MAPK10: variants seen among roughly 807,000 people sequenced by gnomAD.
MAPK10 encodes the protein JNK3 alpha protein kinase.
A neutral mutation model predicts 59.3 loss-of-function variants in MAPK10; 25 were observed. The observed-to-expected ratio is 0.42, with a 90% CI of 0.31 to 0.59. MAPK10 has a LOEUF of 0.59. MAPK10 is among the 20% of genes least tolerant of loss of function. The probability of loss-of-function intolerance (pLI) is 0.15; values close to 1 mark genes in which losing one functional copy is unlikely to be tolerated. For synonymous variants in MAPK10, 190 were observed against 200.5 expected (o/e 0.95, Z 0.44); for missense variants, 351 against 568.9 (o/e 0.62, Z 3.90).
At chr4:86,394,899 CT>C (rs1052127616) in intron 1 of MAPK10, among the ~76,000 whole-genome samples, 1 of 152,174 alleles carries the variant, frequency 6.6e-6, no homozygotes. Context: ...GGGCCACCCC[CT>C]GGCAAAACTC....
intron 1 of MAPK10, chr4:86,358,261 C>CT: frequency 1.0e-6 from 1 of 985,388 alleles, no homozygotes; most frequent in Non-Finnish European, 1.2e-6. Flanking sequence ...CTTACTGCAA[C>CT]TATTTTAAAT....
chr4:86,509,318 C>T (rs578234055), intron 1 of MAPK10, among the ~76,000 whole-genome samples: 6 of 152,096 alleles, frequency 3.9e-5, no homozygotes, highest in Admixed American at 2.6e-4. Context: ...ATATTCTATA[C>T]GGACATAAAG....
chr4:86,562,875 G>A (rs1760784141), intron 1 of MAPK10, among the ~76,000 whole-genome samples: 1 of 152,088 alleles, frequency 6.6e-6, no homozygotes, highest in African/African-American at 2.4e-5. Context: ...CCCATCTAAG[G>A]TAATATTCAT....
At chr4:86,308,462 G>C (rs1044617500) in intron 2 of MAPK10, among the ~76,000 whole-genome samples, 2 of 152,140 alleles carry the variant, frequency 1.3e-5, no homozygotes, top group African/African-American at 4.8e-5. Flanking sequence ...AGATTAGACA[G>C]AGGAAAAAGA....
At chr4:86,361,680 C>T (rs1209951271), upstream of MAPK10, among the ~76,000 whole-genome samples, 1 of 152,018 alleles carries the variant, frequency 6.6e-6, no homozygotes, top group Non-Finnish European at 1.5e-5. Context: ...CACACACACA[C>T]ATGCTGGAAT....
chr4:86,186,456 G>A (rs2078255123), intron 3 of MAPK10, among the ~76,000 whole-genome samples: 1 of 152,094 alleles, frequency 6.6e-6, no homozygotes, highest in Non-Finnish European at 1.5e-5. Context: ...AGTACATACA[G>A]TAGTTACAGA....
At chr4:86,489,653 C>CT (rs914712759) in intron 1 of MAPK10, among the ~76,000 whole-genome samples, 1 of 151,930 alleles carries the variant, frequency 6.6e-6, no homozygotes, top group African/African-American at 2.4e-5. Flanking sequence ...GGGTTTGTCC[C>CT]TTTTTTTTCT....
chr4:86,072,060 T>G (rs1203228049), intron 9 of MAPK10, among the ~76,000 whole-genome samples: 2 of 147,474 alleles, frequency 1.4e-5, no homozygotes, highest in Non-Finnish European at 3.0e-5. Flanking sequence ...TATCCTCTTT[T>G]ATTTCCTTGA....
intron 4 of MAPK10, chr4:86,125,780 A>G (rs1164406470): frequency 6.6e-6 from 1 of 152,130 alleles, no homozygotes; most frequent in African/African-American, 2.4e-5. Context: ...GGAGTGAAAG[A>G]GTTTATTGAG....
At chr4:86,292,530 A>C (rs2095256125) in intron 2 of MAPK10, among the ~76,000 whole-genome samples, 1 of 152,174 alleles carries the variant, frequency 6.6e-6, no homozygotes, top group South Asian at 2.1e-4. Flanking sequence ...AAGCCTGGGC[A>C]ACATAGCAAG....
intron 9 of MAPK10, among the ~76,000 whole-genome samples, chr4:86,087,775 T>C (rs963409207): frequency 6.6e-6 from 1 of 152,122 alleles, no homozygotes; most frequent in Admixed American, 6.6e-5. Context: ...AGAGAGAATA[T>C]ATGTATGAAG....
intron 10 of MAPK10, 76 bp downstream of exon 10, chr4:86,067,697 T>C: frequency 2.5e-6 from 3 of 1,178,150 alleles, no homozygotes; most frequent in Non-Finnish European, 3.6e-6. Context: ...GAGAAAGAGA[T>C]AGAGGTCTCT....
intron 4 of MAPK10, among the ~76,000 whole-genome samples, chr4:86,108,544 T>C (rs1411054494): frequency 1.3e-5 from 2 of 152,206 alleles, no homozygotes; most frequent in East Asian, 3.8e-4. Flanking sequence ...GAAAAAAGTC[T>C]TAGAGTTCAC....
At chr4:86,516,588 G>A (rs560204781) in intron 1 of MAPK10, among the ~76,000 whole-genome samples, 1 of 152,092 alleles carries the variant, frequency 6.6e-6, no homozygotes, top group African/African-American at 2.4e-5. Flanking sequence ...TCTTCGTAAA[G>A]ATCTTTCACC....
intron 2 of MAPK10, among the ~76,000 whole-genome samples, chr4:86,217,398 A>G (rs1295293202): frequency 6.6e-6 from 1 of 152,248 alleles, no homozygotes; most frequent in African/African-American, 2.4e-5. Flanking sequence ...CTACCAATTC[A>G]GGTTTCACTA....
intron 1 of MAPK10, among the ~76,000 whole-genome samples, chr4:86,461,553 A>G (rs186479227): frequency 5.0e-4 from 76 of 152,306 alleles, no homozygotes; most frequent in African/African-American, 1.7e-3. Flanking sequence ...GCTTGGAAGC[A>G]TCAGGGTAAC....
intron 11 of MAPK10, chr4:86,044,700 C>G (rs1354993884): frequency 2.3e-5 from 9 of 397,234 alleles, no homozygotes; most frequent in African/African-American, 4.1e-5. Flanking sequence ...AAATGCAGTC[C>G]GTAGACTAAA....
At chr4:86,338,430 G>T (rs1035491280) in intron 2 of MAPK10, among the ~76,000 whole-genome samples, 1 of 152,222 alleles carries the variant, frequency 6.6e-6, no homozygotes, top group Admixed American at 6.5e-5. Flanking sequence ...CCTAATAAGT[G>T]TTTTGGACAG....
intron 11 of MAPK10, among the ~76,000 whole-genome samples, chr4:86,052,075 T>A (rs1240992773): frequency 6.6e-6 from 1 of 152,070 alleles, no homozygotes; most frequent in East Asian, 1.9e-4. Flanking sequence ...CAAGAAACTG[T>A]TTTTATAATG....
Sources: allele counts gnomAD v4.1 joint callset (sites outside exome capture counted in the v4.1 genomes callset), GRCh38; gene constraint gnomAD v4.1.1; transcripts MANE v1.5; gene names NCBI Gene and HGNC (gene_info 2026-07-23, HGNC 2026-07-21).